The following STPG2 variants were observed in gnomAD, a reference collection of about 807,000 sequenced individuals.
STPG2 encodes the protein sperm tail PG-rich repeat containing 2.
Under a neutral mutation model 54.2 loss-of-function variants are expected in STPG2, and 56 were observed. The observed-to-expected ratio is 1.03, with a 90% confidence interval of 0.83 to 1.29. The LOEUF is 1.29. STPG2 is among the 50% of genes most tolerant of loss of function. The probability of loss-of-function intolerance (pLI) is 0.00; values close to 1 mark genes in which losing one functional copy is unlikely to be tolerated. For synonymous variants in STPG2, 200 were observed against 181.8 expected (o/e 1.10, Z -0.81); for missense variants, 596 against 544.9 (o/e 1.09, Z -0.93).
chr4:97,529,284 T>G (rs1169804370), intron 4 of STPG2, among the ~76,000 whole-genome samples: 2 of 152,180 alleles, frequency 1.3e-5, no homozygotes, highest in African/African-American at 2.4e-5. Context: ...TGGATTACAT[T>G]TATTAATTTG....
intron 10 of STPG2, among the ~76,000 whole-genome samples, chr4:97,589,441 T>C (rs1733082816): frequency 6.6e-6 from 1 of 152,100 alleles, no homozygotes; most frequent in Non-Finnish European, 1.5e-5. Context: ...GATCAGTAAT[T>C]TTTAACCTAA....
intron 10 of STPG2, among the ~76,000 whole-genome samples, chr4:97,684,828 T>C (rs1723139718): frequency 6.6e-6 from 1 of 152,026 alleles, no homozygotes; most frequent in Non-Finnish European, 1.5e-5. Context: ...ATTGGAAGAA[T>C]ACATTTTCAA....
At chr4:97,801,049 G>T (rs552761891) in intron 9 of STPG2, among the ~76,000 whole-genome samples, 1 of 152,146 alleles carries the variant, frequency 6.6e-6, no homozygotes, top group African/African-American at 2.4e-5. Flanking sequence ...TATTAGGGTC[G>T]GACTGACCCA....
intron 4 of STPG2, among the ~76,000 whole-genome samples, chr4:97,539,470 A>T (rs944791789): frequency 6.6e-6 from 1 of 152,240 alleles, no homozygotes; most frequent in Non-Finnish European, 1.5e-5. Context: ...TGGTAAAGGG[A>T]TCAATTCAAC....
chr4:97,706,778 T>C (rs2149002538), intron 10 of STPG2, among the ~76,000 whole-genome samples: 1 of 152,286 alleles, frequency 6.6e-6, no homozygotes, highest in East Asian at 1.9e-4. Flanking sequence ...TGATGAGCCA[T>C]TTCTGTGGAG....
At chr4:97,947,730 A>G (rs962156530) in intron 7 of STPG2, among the ~76,000 whole-genome samples, 1 of 152,090 alleles carries the variant, frequency 6.6e-6, no homozygotes, top group Admixed American at 6.6e-5. Context: ...ATGTTAAACC[A>G]TCCCTGCATC....
At chr4:97,563,824 T>C (rs764016198) in intron 10 of STPG2, among the ~76,000 whole-genome samples, 4 of 152,184 alleles carry the variant, frequency 2.6e-5, no homozygotes, top group Admixed American at 2.6e-4. Context: ...TAATTTCTGA[T>C]CTTTTACATT....
chr4:97,468,245 G>A lies in STPG2; in HGVS notation c.462+244454C>T, dbSNP rs538457204. 1.0e-3 allele frequency among the ~76,000 whole-genome samples: 154 copies of A among 151,984 alleles called. 1 individual carries two copies. The highest frequency in any genetic ancestry group is 1.7e-3 in the South Asian group (8 of 4,820). On this transcript the variant is annotated intron_variant, in intron 4 of 4. Transcript: ENST00000522676. ...TGACAGTGACAAACTCGTGCATTAC[G>A]TTTTATTAATCTTTGAAAGCAATGA...
chr4:97,473,976 G>T (rs1274852824), intron 4 of STPG2, among the ~76,000 whole-genome samples: 3 of 151,256 alleles, frequency 2.0e-5, no homozygotes, highest in African/African-American at 4.9e-5. Context: ...GTTTTTTTTT[G>T]ATCACTGAAA....
At chr4:97,460,829 C>T (rs949501575) in intron 4 of STPG2, among the ~76,000 whole-genome samples, 4 of 152,186 alleles carry the variant, frequency 2.6e-5, no homozygotes, top group Non-Finnish European at 5.9e-5. Flanking sequence ...TATTAGATCA[C>T]CATTGCCTAA....
At chr4:97,736,828 T>A (rs1046923119) in intron 9 of STPG2, among the ~76,000 whole-genome samples, 1 of 152,104 alleles carries the variant, frequency 6.6e-6, no homozygotes, top group African/African-American at 2.4e-5. Flanking sequence ...GACTTAAATG[T>A]CCCTGTCTGA....
intron 8 of STPG2, among the ~76,000 whole-genome samples, chr4:97,884,004 G>C (rs924525794): frequency 2.6e-5 from 4 of 152,044 alleles, no homozygotes; most frequent in Non-Finnish European, 4.4e-5. Context: ...AAGTTTTTGC[G>C]GGGGTGGGGA....
At chr4:97,501,734 CA>C (rs1560634929) in intron 4 of STPG2, among the ~76,000 whole-genome samples, 1 of 150,584 alleles carries the variant, frequency 6.6e-6, no homozygotes, top group Non-Finnish European at 1.5e-5. Flanking sequence ...ACATTATATA[CA>C]AAATAAGGAC....
chr4:97,562,953 T>A (rs946704161), intron 10 of STPG2, among the ~76,000 whole-genome samples: 1 of 152,224 alleles, frequency 6.6e-6, no homozygotes, highest in Non-Finnish European at 1.5e-5. Context: ...GATGCTGGCA[T>A]CATAAAATGA....
chr4:98,133,410 C>T (rs900331184), intron 2 of STPG2, among the ~76,000 whole-genome samples: 2 of 151,994 alleles, frequency 1.3e-5, no homozygotes, highest in African/African-American at 4.8e-5. Context: ...CAGAGCCTAT[C>T]TCTAGCGGGT....
chr4:97,979,237 CA>C (rs1734589515), intron 6 of STPG2, among the ~76,000 whole-genome samples: 1 of 140,940 alleles, frequency 7.1e-6, no homozygotes, highest in Admixed American at 7.5e-5. Context: ...GCGGCAAACA[CA>C]GCCTATTTCA....
intron 3 of STPG2, among the ~76,000 whole-genome samples, chr4:98,127,869 C>T (rs975183074): frequency 1.3e-5 from 2 of 152,150 alleles, no homozygotes; most frequent in Non-Finnish European, 2.9e-5. Context: ...ATGATGTTTA[C>T]ATTCTCAGAT....
chr4:97,544,957 T>G (rs1256061713), intron 4 of STPG2, among the ~76,000 whole-genome samples: 7 of 152,070 alleles, frequency 4.6e-5, no homozygotes, highest in Non-Finnish European at 4.4e-5. Flanking sequence ...CATAAGTGAT[T>G]GTTTTCTTAC....
chr4:97,696,402 AC>A (rs1202722195), intron 10 of STPG2, among the ~76,000 whole-genome samples: 1 of 152,250 alleles, frequency 6.6e-6, no homozygotes, highest in East Asian at 1.9e-4. Flanking sequence ...TGAATCTGAG[AC>A]CTGAAACCAT....
Sources: gnomAD v4.1 joint callset for allele counts (sites outside exome capture counted in the v4.1 genomes callset) on GRCh38, gnomAD v4.1.1 for gene constraint, MANE v1.5 for transcripts, NCBI Gene and HGNC (gene_info 2026-07-23, HGNC 2026-07-21) for gene names.